The following AIG1 variants were observed in gnomAD, a reference collection of about 807,000 sequenced individuals.
The protein encoded by AIG1 is androgen induced 1, also known as androgen-induced gene 1 protein.
AIG1 carries 23 observed loss-of-function variants against 31.4 expected under a neutral mutation model. The ratio of observed to expected loss-of-function variants is 0.73; its 90% confidence interval spans 0.53 to 1.04. The LOEUF is 1.04. Ranked by LOEUF, AIG1 falls within the 50% of genes least tolerant of loss-of-function variation. AIG1 has a pLI of 0.00. For missense variants in AIG1, 274 were observed against 295.0 expected (o/e 0.93, Z 0.52); for synonymous variants, 100 against 110.5 (o/e 0.90, Z 0.60).
At chr6:143,323,277 C>T (rs552559647) in intron 4 of AIG1, among the ~76,000 whole-genome samples, 4 of 152,272 alleles carry the variant, frequency 2.6e-5, no homozygotes, top group East Asian at 3.9e-4. Flanking sequence ...GACAGCATAT[C>T]CTTAAACCAA....
At chr6:143,068,713 G>A (rs1490386857) in intron 1 of AIG1, among the ~76,000 whole-genome samples, 1 of 152,086 alleles carries the variant, frequency 6.6e-6, no homozygotes, top group Non-Finnish European at 1.5e-5. Flanking sequence ...AATTTTCCTT[G>A]CATCTTAGCA....
intron 3 of AIG1, among the ~76,000 whole-genome samples, chr6:143,210,481 G>A (rs577869969): frequency 6.6e-6 from 1 of 152,190 alleles, no homozygotes; most frequent in Non-Finnish European, 1.5e-5. Context: ...GTAGCAAGAG[G>A]TCAGGAACCT....
In AIG1 at chr6:143,136,946, C is replaced by T. The variant is rs1442101748; in HGVS notation, c.253C>T (p.Leu85Phe). 3 of 1,518,198 alleles carry T rather than the reference C, an allele frequency of 2.0e-6. No individual in the cohort carries two copies. Among genetic ancestry groups the T allele is most frequent in the East Asian group, 4.9e-5 (2 of 41,228 alleles). The allele number at this position is 1,518,198 out of a possible 1,614,324, so 94.0% of individuals were successfully genotyped here. A position where few individuals can be genotyped will look rare whatever the true frequency, so the allele number is the denominator to read the frequency against. Residue 85 changes from leucine (L) to phenylalanine (F), a missense_variant, in exon 2 of 6, where the codon CTC becomes TTC. Coordinates refer to ENST00000357847, the MANE Select transcript of AIG1 (RefSeq NM_016108.4). ...GAGGCAGCTCAAGAAGCTCATCTCT[C>T]TCCGGGACTGGATGTTAGCTGTGTT... Reference protein sequence around the residue: ...QERQLKKLISLRDWMLAVLAF... With the variant: ...QERQLKKLISFRDWMLAVLAF...
At chr6:143,096,187 T>A (rs1473906332) in intron 1 of AIG1, among the ~76,000 whole-genome samples, 1 of 152,206 alleles carries the variant, frequency 6.6e-6, no homozygotes, top group Admixed American at 6.5e-5. Context: ...ATTACAGGCG[T>A]GAGCCACCAC....
chr6:143,188,948 C>A (rs764467277), intron 3 of AIG1: 34 of 983,524 alleles, frequency 3.5e-5, no homozygotes, highest in Non-Finnish European at 4.0e-5. Flanking sequence ...CCAGACTCAT[C>A]ATTTTGTAGT....
At chr6:143,104,675 G>A (rs913118666) in intron 1 of AIG1, among the ~76,000 whole-genome samples, 1 of 152,068 alleles carries the variant, frequency 6.6e-6, no homozygotes, top group East Asian at 1.9e-4. Flanking sequence ...GAGGCAGGGA[G>A]GACTGCTTGA....
chr6:143,295,336 C>A (rs1238256454), intron 4 of AIG1, among the ~76,000 whole-genome samples: 3 of 152,190 alleles, frequency 2.0e-5, no homozygotes, highest in African/African-American at 7.2e-5. Context: ...CTTTTATAAA[C>A]AAATGTCATC....
chr6:143,102,019 TA>T (rs1388943387), intron 1 of AIG1, among the ~76,000 whole-genome samples: 1 of 152,190 alleles, frequency 6.6e-6, no homozygotes, highest in Non-Finnish European at 1.5e-5. Flanking sequence ...GAAACAGACC[TA>T]GCCTATGCTA....
intron 3 of AIG1, among the ~76,000 whole-genome samples, chr6:143,219,618 G>A (rs1792315361): frequency 6.6e-6 from 1 of 152,138 alleles, no homozygotes; most frequent in African/African-American, 2.4e-5. Flanking sequence ...ATTGGAATAA[G>A]GGCCAGTGGC....
chr6:143,095,071 C>G (rs3804530), intron 1 of AIG1, among the ~76,000 whole-genome samples: 1 of 151,994 alleles, frequency 6.6e-6, no homozygotes, highest in Non-Finnish European at 1.5e-5. Context: ...GCAAAATTAA[C>G]ATCCACAATG....
chr6:143,314,369 G>C (rs1268133235), intron 4 of AIG1, among the ~76,000 whole-genome samples: 1 of 151,442 alleles, frequency 6.6e-6, no homozygotes, highest in East Asian at 1.9e-4. Context: ...GAGAAAGAGA[G>C]AGAAAAGGGA....
chr6:143,150,806 C>G (rs942017552), intron 2 of AIG1, among the ~76,000 whole-genome samples: 3 of 152,168 alleles, frequency 2.0e-5, no homozygotes, highest in African/African-American at 7.2e-5. Context: ...AGCGTCAAAG[C>G]AGATGTTTCT....
intron 1 of AIG1, among the ~76,000 whole-genome samples, chr6:143,092,129 G>A (rs1005812778): frequency 6.6e-6 from 1 of 152,040 alleles, no homozygotes; most frequent in Non-Finnish European, 1.5e-5. Flanking sequence ...TTTTGAGATA[G>A]GATATATCTC....
intron 3 of AIG1, among the ~76,000 whole-genome samples, chr6:143,196,178 G>A (rs1790206851): frequency 6.6e-6 from 1 of 152,076 alleles, no homozygotes; most frequent in Non-Finnish European, 1.5e-5. Flanking sequence ...TTTCTATATT[G>A]ATCTGAATGG....
At chr6:143,335,740 A>C (rs549200071) in intron 5 of AIG1, among the ~76,000 whole-genome samples, 1 of 152,138 alleles carries the variant, frequency 6.6e-6, no homozygotes, top group African/African-American at 2.4e-5. Context: ...AGATCACTTG[A>C]GCCCAGGAGT....
chr6:143,225,614 T>C (rs1792887046), intron 3 of AIG1, among the ~76,000 whole-genome samples: 1 of 152,210 alleles, frequency 6.6e-6, no homozygotes, highest in Non-Finnish European at 1.5e-5. Context: ...CATCTTCATG[T>C]TGATGTTATT....
At chr6:143,126,784 T>C (rs1426988234) in intron 1 of AIG1, among the ~76,000 whole-genome samples, 1 of 152,212 alleles carries the variant, frequency 6.6e-6, no homozygotes. Context: ...CTGAATGTGC[T>C]ACTTTCATTT....
intron 1 of AIG1, among the ~76,000 whole-genome samples, chr6:143,127,383 C>T (rs1212635807): frequency 6.6e-6 from 1 of 152,152 alleles, no homozygotes; most frequent in Admixed American, 6.5e-5. Flanking sequence ...CTAAAATTAA[C>T]TTGAAAACAT....
intron 1 of AIG1, among the ~76,000 whole-genome samples, chr6:143,068,849 T>C (rs955839781): frequency 6.6e-6 from 1 of 152,170 alleles, no homozygotes; most frequent in African/African-American, 2.4e-5. Context: ...AATCATATTC[T>C]TTAAAACTTA....
Sources: gnomAD v4.1 joint callset for allele counts (sites outside exome capture counted in the v4.1 genomes callset) on GRCh38, gnomAD v4.1.1 for gene constraint, MANE v1.5 for transcripts, NCBI Gene and HGNC (gene_info 2026-07-23, HGNC 2026-07-21) for gene names.